Variants in IQSEC1 observed in about 807,000 individuals in gnomAD.
IQSEC1 encodes the protein IQ motif and SEC7 domain-containing protein 1.
In IQSEC1, 31 loss-of-function variants were observed where a neutral mutation model predicts 91.0. The ratio of observed to expected loss-of-function variants is 0.34; its 90% CI spans 0.26 to 0.46. The LOEUF (loss-of-function observed/expected upper bound fraction) is 0.46. Ranked by LOEUF, IQSEC1 falls within the 20% of genes least tolerant of loss-of-function variation. The probability of loss-of-function intolerance (pLI) is 1.00; values close to 1 mark genes in which losing one functional copy is unlikely to be tolerated. For missense variants in IQSEC1, 1,388 were observed against 1,575.6 expected, an observed-to-expected ratio of 0.88 and a Z score of 2.02; for synonymous variants, 699 against 662.6, an observed-to-expected ratio of 1.05 and a Z score of -0.84.
chr3:13,135,464 G>A (rs2124926321), intron 2 of IQSEC1, among the ~76,000 whole-genome samples: 1 of 152,366 alleles, frequency 6.6e-6, no homozygotes, highest in African/African-American at 2.4e-5. Context: ...AAAGGCCTGG[G>A]GTCAGGGGTG....
intron 1 of IQSEC1, among the ~76,000 whole-genome samples, chr3:13,043,442 G>A (rs563181726): frequency 2.2e-4 from 33 of 152,200 alleles, no homozygotes; most frequent in African/African-American, 7.2e-4. Flanking sequence ...CCATGAATCC[G>A]GCACACCCTT....
intron 10 of IQSEC1, among the ~76,000 whole-genome samples, chr3:12,911,020 G>A (rs971245152): frequency 6.6e-6 from 1 of 152,220 alleles, no homozygotes; most frequent in Admixed American, 6.5e-5. Context: ...CTGCAGGTGT[G>A]AGCCTCCCAA....
chr3:13,217,300 A>T (rs12637577), intron 1 of IQSEC1, among the ~76,000 whole-genome samples: 4 of 152,022 alleles, frequency 2.6e-5, no homozygotes, highest in African/African-American at 9.7e-5. Context: ...CCCAGCAATC[A>T]CTAATCTACT....
chr3:13,017,859 GGCTCT>G (rs1214448806), intron 1 of IQSEC1, among the ~76,000 whole-genome samples: 2 of 152,142 alleles, frequency 1.3e-5, no homozygotes, highest in Non-Finnish European at 2.9e-5. Context: ...GAGAAGTGGC[GGCTCT>G]GCTCTGCTCT....
chr3:13,032,120 C>T (rs1703864403), intron 1 of IQSEC1, among the ~76,000 whole-genome samples: 1 of 152,198 alleles, frequency 6.6e-6, no homozygotes, highest in African/African-American at 2.4e-5. Flanking sequence ...CACTTTCCCC[C>T]TGTAATTGTT....
intron 2 of IQSEC1, among the ~76,000 whole-genome samples, chr3:13,122,431 T>C (rs371006306): frequency 2.6e-5 from 4 of 151,728 alleles, no homozygotes; most frequent in Non-Finnish European, 1.5e-5. Flanking sequence ...ATGGACGCAG[T>C]TGGGTTTTAT....
intron 1 of IQSEC1, among the ~76,000 whole-genome samples, chr3:13,268,882 C>A (rs1695545264): frequency 6.6e-6 from 1 of 152,166 alleles, no homozygotes; most frequent in Non-Finnish European, 1.5e-5. Flanking sequence ...CCCCAGGCCC[C>A]CAGTGGTAAC....
chr3:13,247,344 G>C (rs975589692), intron 1 of IQSEC1, among the ~76,000 whole-genome samples: 1 of 152,128 alleles, frequency 6.6e-6, no homozygotes, highest in Non-Finnish European at 1.5e-5. Context: ...AAGTCTGTCC[G>C]GCTGTCATTT....
At chr3:13,127,179 G>A (rs112333684) in intron 2 of IQSEC1, among the ~76,000 whole-genome samples, 14,406 of 152,144 alleles carry the variant, frequency 0.095, 2,137 homozygotes, top group African/African-American at 0.32. Context: ...TTGGGAGGCC[G>A]AGGCAGGTGG....
At chr3:12,914,057 C>A (rs113689941) in intron 8 of IQSEC1, among the ~76,000 whole-genome samples, 1 of 152,194 alleles carries the variant, frequency 6.6e-6, no homozygotes, top group Non-Finnish European at 1.5e-5. Context: ...CAATTCCAGG[C>A]CCCAGGACTT....
At chr3:12,952,012 G>A (rs932309998) in intron 1 of IQSEC1, among the ~76,000 whole-genome samples, 1 of 152,102 alleles carries the variant, frequency 6.6e-6, no homozygotes, top group African/African-American at 2.4e-5. Flanking sequence ...ACAAAGTGAC[G>A]GCCACCTAAA....
chr3:13,021,884 T>C (rs964205815), intron 1 of IQSEC1: 11 of 451,432 alleles, frequency 2.4e-5, no homozygotes, highest in Non-Finnish European at 4.0e-5. Context: ...CTGGTCATTG[T>C]TCCACTCTCC....
At chr3:13,011,553 T>C (rs1055649835) in intron 1 of IQSEC1, among the ~76,000 whole-genome samples, 1 of 152,202 alleles carries the variant, frequency 6.6e-6, no homozygotes, top group African/African-American at 2.4e-5. Context: ...GCCCTTGTTA[T>C]CCTCCCTGGC....
intron 1 of IQSEC1, among the ~76,000 whole-genome samples, chr3:12,958,946 A>G (rs1261859244): frequency 1.3e-5 from 2 of 152,224 alleles, no homozygotes; most frequent in African/African-American, 2.4e-5. Flanking sequence ...GGAGCTGTCT[A>G]GGATGACTTT....
chr3:13,216,863 G>A (rs952773821), intron 1 of IQSEC1, among the ~76,000 whole-genome samples: 6 of 152,166 alleles, frequency 3.9e-5, no homozygotes, highest in African/African-American at 1.2e-4. Context: ...GCCCACTCCA[G>A]AACATATGGA....
chr3:13,108,870 GATGGGGTAGGGGGACCTGCAGGTC>G (rs1349031619), intron 2 of IQSEC1, among the ~76,000 whole-genome samples: 2 of 152,266 alleles, frequency 1.3e-5, no homozygotes, highest in Admixed American at 6.5e-5. Flanking sequence ...CTCTGCTGGA[GATGGGGTAGGGGGACCTGCAGGTC>G]ATGGCCCCCG....
rs76503528 is a variant in IQSEC1 at position 13,086,830 on chromosome 3, A to G, written c.303-39308T>C. On this transcript the variant is annotated intron_variant, in intron 2 of 15. Coordinates refer to the IQSEC1 transcript ENST00000648114. ...TCTCCTCACCCAGTTTACTTCCTCT[A>G]GGCCATTTACAGGCATCCTGTTTAA... Among the ~76,000 whole-genome samples the G allele has an allele frequency of 6.0e-4, 92 of 152,312 alleles. 1 individual carries two copies. Among genetic ancestry groups the G allele is most frequent in the African/African-American group, 2.1e-3 (87 of 41,562 alleles).
intron 1 of IQSEC1, among the ~76,000 whole-genome samples, chr3:12,943,537 C>T (rs575154989): frequency 2.5e-4 from 38 of 152,326 alleles, no homozygotes; most frequent in African/African-American, 8.4e-4. Flanking sequence ...TCTGCTCCCA[C>T]GGGCCGGGGT....
intron 1 of IQSEC1, among the ~76,000 whole-genome samples, chr3:13,021,636 C>T (rs895353000): frequency 6.6e-6 from 1 of 152,218 alleles, no homozygotes; most frequent in Non-Finnish European, 1.5e-5. Context: ...CTGACGTTTA[C>T]GGTCACACGA....
Sources: gnomAD v4.1 joint callset for allele counts (sites outside exome capture counted in the v4.1 genomes callset) on GRCh38, gnomAD v4.1.1 for gene constraint, MANE v1.5 for transcripts, NCBI Gene and HGNC (gene_info 2026-07-23, HGNC 2026-07-21) for gene names.